RELN: variants seen among roughly 807,000 people sequenced by gnomAD.
The protein encoded by RELN is reelin.
A neutral mutation model predicts 427.6 loss-of-function variants in RELN; 108 were observed. The ratio of observed to expected loss-of-function variants is 0.25; its 90% CI spans 0.22 to 0.30. RELN has a LOEUF of 0.30. Ranked by LOEUF, RELN falls within the 10% of genes least tolerant of loss-of-function variation. The probability of loss-of-function intolerance (pLI) is 1.00; values close to 1 mark genes in which losing one functional copy is unlikely to be tolerated. For missense variants in RELN, 3,715 were observed against 4,302.8 expected (o/e 0.86, Z 3.82); for synonymous variants, 1,524 against 1,513.4 (o/e 1.01, Z -0.16).
Position 103,478,414 on chromosome 7 carries a change from A to T in RELN, c.10281-20T>A. On this transcript the variant is annotated intron_variant, in intron 63 of 64. Transcript: ENST00000428762. Reference sequence around the variant, plus strand: ...CTTACTCTAGTGGAAAACCAATGACAGCAAATAATGAAATATAACACAAGT... The same window carrying T: ...CTTACTCTAGTGGAAAACCAATGACTGCAAATAATGAAATATAACACAAGT... The T allele has an allele frequency of 1.3e-6, 1 of 755,270 alleles. No individual in the cohort carries two copies. Among genetic ancestry groups the T allele is most frequent in the Non-Finnish European group, 2.4e-6 (1 of 412,370 alleles). The allele number at this position is 755,270 out of a possible 1,614,324, so 46.8% of individuals were successfully genotyped here. A position where few individuals can be genotyped will look rare whatever the true frequency, so the allele number is the denominator to read the frequency against.
intron 9 of RELN, among the ~76,000 whole-genome samples, chr7:103,699,636 C>T (rs1834050161): frequency 6.6e-6 from 1 of 151,898 alleles, no homozygotes; most frequent in Non-Finnish European, 1.5e-5. Flanking sequence ...TAATTTACTT[C>T]AACTATGATA....
intron 28 of RELN, among the ~76,000 whole-genome samples, chr7:103,578,339 A>G (rs1254937459): frequency 6.6e-6 from 1 of 152,182 alleles, no homozygotes; most frequent in East Asian, 1.9e-4. Context: ...TTTAAAAAAG[A>G]AAAACACCAA....
At chr7:103,728,618 G>A (rs1790273335) in intron 6 of RELN, among the ~76,000 whole-genome samples, 1 of 152,084 alleles carries the variant, frequency 6.6e-6, no homozygotes, top group Non-Finnish European at 1.5e-5. Flanking sequence ...ATATATACAT[G>A]CCCAATACAA....
intron 11 of RELN, among the ~76,000 whole-genome samples, chr7:103,676,318 T>A (rs1833523195): frequency 6.6e-6 from 1 of 152,122 alleles, no homozygotes; most frequent in Non-Finnish European, 1.5e-5. Flanking sequence ...ATCAGAGAAA[T>A]GCAAATCAAA....
At chr7:103,743,217 G>A (rs894497920) in intron 6 of RELN, among the ~76,000 whole-genome samples, 1 of 152,196 alleles carries the variant, frequency 6.6e-6, no homozygotes, top group Non-Finnish European at 1.5e-5. Context: ...AATGCTGAGA[G>A]ATTTTGTCAC....
intron 1 of RELN, among the ~76,000 whole-genome samples, chr7:103,972,923 A>G (rs1442583064): frequency 4.1e-5 from 3 of 73,742 alleles, no homozygotes; most frequent in Non-Finnish European, 8.3e-5. Context: ...TGTGTGTGCT[A>G]CAAGATTAGA....
At chr7:103,907,189 G>A (rs1487966421) in intron 2 of RELN, among the ~76,000 whole-genome samples, 3 of 151,194 alleles carry the variant, frequency 2.0e-5, no homozygotes, top group African/African-American at 4.9e-5. Flanking sequence ...AGGCCGAGGC[G>A]GTTGGATCAT....
chr7:103,609,303 A>G (rs531600353), intron 22 of RELN, among the ~76,000 whole-genome samples: 1 of 152,254 alleles, frequency 6.6e-6, no homozygotes, highest in Admixed American at 6.5e-5. Flanking sequence ...GTCAATGAGT[A>G]AAAAACAATT....
At chr7:103,759,782 T>G (rs140989518) in intron 4 of RELN, among the ~76,000 whole-genome samples, 6 of 152,216 alleles carry the variant, frequency 3.9e-5, no homozygotes, top group Non-Finnish European at 4.4e-5. Flanking sequence ...AAATATACTT[T>G]TGTCTCCAAA....
chr7:103,559,461 T>C (rs992035313), intron 36 of RELN, among the ~76,000 whole-genome samples: 18 of 152,236 alleles, frequency 1.2e-4, no homozygotes, highest in African/African-American at 4.3e-4. Context: ...CTTTTATGCC[T>C]AGTAATTCAC....
intron 6 of RELN, among the ~76,000 whole-genome samples, chr7:103,743,571 T>C (rs1174953956): frequency 6.6e-6 from 1 of 152,110 alleles, no homozygotes; most frequent in Non-Finnish European, 1.5e-5. Context: ...GAGGAAGATC[T>C]ACCAAGCAAA....
Position 103,515,416 on chromosome 7 carries a change from C to G in RELN, c.7888G>C (p.Asp2630His), listed in dbSNP as rs760587518. 1 of 1,613,918 alleles carries G rather than the reference C, an allele frequency of 6.2e-7. No homozygotes were observed. The highest frequency in any genetic ancestry group is 8.5e-7 in the Non-Finnish European group (1 of 1,180,034). The part of the protein sequence containing the change: ...PGFVNILLPP[D>H]AKEIATRFRW... ...AAGCGAGTGGCAATCTCTTTAGCAT[C>G]AGGAGGGAGAAGGATATTCACAAAT... The change falls in exon 50 of 65, where the codon GAT becomes CAT. Residue 2630 changes from aspartate (D) to histidine (H), a missense_variant. By Grantham distance (81) the Asp-to-His change is moderately conservative. This residue lies in a region of RELN where 1,310 missense variants were observed against 1,643.0 expected (regional missense o/e 0.80). Coordinates refer to ENST00000428762, the MANE Select transcript of RELN (RefSeq NM_005045.4).
At chr7:103,497,494 A>T (rs1828876685) in intron 55 of RELN, among the ~76,000 whole-genome samples, 1 of 152,236 alleles carries the variant, frequency 6.6e-6, no homozygotes, top group Non-Finnish European at 1.5e-5. Flanking sequence ...AATGCTTTAA[A>T]GTTTTAAAAA....
chr7:103,761,631 G>C (rs188769556), intron 4 of RELN, among the ~76,000 whole-genome samples: 12 of 151,372 alleles, frequency 7.9e-5, no homozygotes, highest in South Asian at 2.1e-4. Context: ...TTTTTTTTGG[G>C]GGGGGGTAGA....
chr7:103,496,896 T>G (rs1263102695), intron 55 of RELN, 128 bp from the exon 56 acceptor site: 2 of 1,046,700 alleles, frequency 1.9e-6, no homozygotes, highest in Admixed American at 1.8e-5. Context: ...CAACTGATTT[T>G]CCTGACTTTG....
At chr7:103,491,846 T>TCA (rs1381747766) in intron 58 of RELN, 107 bp downstream of exon 58, 332 of 609,624 alleles carry the variant, frequency 5.4e-4, no homozygotes, top group South Asian at 3.0e-3. Flanking sequence ...TCTCTCTCTC[T>TCA]CTCTCTCTCT....
At chr7:103,641,067 C>A (rs1832685222) in intron 16 of RELN, among the ~76,000 whole-genome samples, 1 of 152,118 alleles carries the variant, frequency 6.6e-6, no homozygotes, top group Non-Finnish European at 1.5e-5. Flanking sequence ...AAATATTAAT[C>A]TATCCTTCCT....
chr7:103,599,367 C>A (rs1048234128), intron 24 of RELN, among the ~76,000 whole-genome samples: 8 of 152,218 alleles, frequency 5.3e-5, no homozygotes, highest in African/African-American at 1.9e-4. Context: ...GGAATGGCAA[C>A]TGAGGGCTGC....
chr7:103,768,186 A>G (rs1003983424), intron 4 of RELN, among the ~76,000 whole-genome samples: 9 of 152,178 alleles, frequency 5.9e-5, no homozygotes, highest in African/African-American at 2.2e-4. Flanking sequence ...TTTGTTTTAC[A>G]GCTAGTGAAT....
Sources: allele counts gnomAD v4.1 joint callset (sites outside exome capture counted in the v4.1 genomes callset), GRCh38; gene constraint gnomAD v4.1.1; regional missense constraint gnomAD v4.1.1; transcripts MANE v1.5; gene names NCBI Gene and HGNC (gene_info 2026-07-23, HGNC 2026-07-21).